PCDH9: variants seen among roughly 807,000 people sequenced by gnomAD.
PCDH9 encodes the protein protocadherin 9, also known as protocadherin-9.
In PCDH9, 24 loss-of-function variants were observed where a neutral mutation model predicts 70.6. The ratio of observed to expected loss-of-function variants is 0.34; its 90% CI spans 0.25 to 0.48. PCDH9 has a LOEUF of 0.48. Among genes scored for constraint, PCDH9 ranks in the 20% least tolerant of loss-of-function variants. PCDH9 has a pLI of 0.99. For missense variants in PCDH9, 1,281 were observed against 1,503.6 expected, an observed-to-expected ratio of 0.85 and a Z score of 2.45; for synonymous variants, 562 against 558.5, an observed-to-expected ratio of 1.01 and a Z score of -0.09.
At chr13:67,011,855 A>G (rs891700673) in intron 2 of PCDH9, among the ~76,000 whole-genome samples, 14 of 151,872 alleles carry the variant, frequency 9.2e-5, no homozygotes, top group Non-Finnish European at 4.4e-5. Flanking sequence ...GTCGCTACTA[A>G]TATCAGTAAA....
At chr13:66,579,942 A>G (rs918889771) in intron 4 of PCDH9, among the ~76,000 whole-genome samples, 7 of 152,092 alleles carry the variant, frequency 4.6e-5, no homozygotes, top group African/African-American at 1.7e-4. Flanking sequence ...AGCCCAGGTA[A>G]TATTTTCAGA....
chr13:66,920,774 G>A (rs1003277600), intron 2 of PCDH9, among the ~76,000 whole-genome samples: 56 of 151,266 alleles, frequency 3.7e-4, no homozygotes, highest in African/African-American at 1.3e-3. Flanking sequence ...CCTGTTTCCA[G>A]TGAGCTATAA....
At chr13:66,615,731 C>G (rs1017526439) in intron 4 of PCDH9, among the ~76,000 whole-genome samples, 10 of 152,170 alleles carry the variant, frequency 6.6e-5, no homozygotes, top group Admixed American at 2.0e-4. Context: ...ACTTTTTTGA[C>G]TTTTGGTTGG....
At chr13:67,071,549 T>A (rs1369798776) in intron 2 of PCDH9, among the ~76,000 whole-genome samples, 1 of 152,150 alleles carries the variant, frequency 6.6e-6, no homozygotes, top group Non-Finnish European at 1.5e-5. Context: ...AGAACACAAA[T>A]TTATTGAAAG....
intron 2 of PCDH9, among the ~76,000 whole-genome samples, chr13:67,002,574 TA>T (rs548398760): frequency 2.0e-5 from 3 of 150,888 alleles, no homozygotes; most frequent in Admixed American, 6.6e-5. Context: ...TTTAAGAAGA[TA>T]AAAAAAAACC....
chr13:66,962,776 T>A (rs186681069), intron 2 of PCDH9, among the ~76,000 whole-genome samples: 14 of 152,282 alleles, frequency 9.2e-5, no homozygotes, highest in African/African-American at 2.6e-4. Flanking sequence ...GGTCTCCAAC[T>A]TTTTTGGCAC....
chr13:67,006,135 G>A (rs1160307534), intron 2 of PCDH9, among the ~76,000 whole-genome samples: 1 of 152,174 alleles, frequency 6.6e-6, no homozygotes, highest in Non-Finnish European at 1.5e-5. Context: ...GCTGAGGCAG[G>A]AGAATGGCGT....
rs112932546 is a variant in PCDH9 at position 66,552,661 on chromosome 13, A to G, written c.3340+78549T>C. 3.8e-3 allele frequency among the ~76,000 whole-genome samples: 581 copies of G among 152,292 alleles called. 6 individuals carry two copies. Among genetic ancestry groups the G allele is most frequent in the African/African-American group, 0.013 (558 of 41,578 alleles). On this transcript the variant is annotated intron_variant, in intron 4 of 4. Transcript: ENST00000377865. ...ACATGGAAGTAAAAAGATAATGATT[A>G]AATACTTTGGGGGGAAATCACACAT... is the stretch of plus-strand genomic sequence containing the variant.
intron 3 of PCDH9, among the ~76,000 whole-genome samples, chr13:66,808,676 A>G (rs534269419): frequency 1.3e-5 from 2 of 152,178 alleles, no homozygotes; most frequent in Non-Finnish European, 2.9e-5. Context: ...TAGTAGGCTA[A>G]TTGATCACAG....
At chr13:67,033,295 A>G (rs1594418811) in intron 2 of PCDH9, among the ~76,000 whole-genome samples, 1 of 152,228 alleles carries the variant, frequency 6.6e-6, no homozygotes, top group African/African-American at 2.4e-5. Flanking sequence ...AATAAATGAT[A>G]GCTCCAGGCA....
At chr13:66,409,377 G>A (rs1957334313) in intron 4 of PCDH9, among the ~76,000 whole-genome samples, 1 of 151,928 alleles carries the variant, frequency 6.6e-6, no homozygotes, top group Non-Finnish European at 1.5e-5. Context: ...ATTTACTTTG[G>A]TTTGCACTAA....
intron 2 of PCDH9, among the ~76,000 whole-genome samples, chr13:67,013,805 A>C (rs1342114593): frequency 1.3e-5 from 2 of 152,058 alleles, no homozygotes; most frequent in Non-Finnish European, 2.9e-5. Flanking sequence ...CAGGTTTAAC[A>C]TAAGACTATT....
chr13:67,100,054 T>A (rs1475697451), intron 2 of PCDH9, among the ~76,000 whole-genome samples: 2 of 152,164 alleles, frequency 1.3e-5, no homozygotes, highest in Admixed American at 1.3e-4. Context: ...AGTAGACATG[T>A]CACTAAGTCT....
chr13:67,139,666 T>A (rs1207315211), intron 2 of PCDH9, among the ~76,000 whole-genome samples: 2 of 152,168 alleles, frequency 1.3e-5, no homozygotes, highest in Non-Finnish European at 2.9e-5. Context: ...CTTTTCAAAG[T>A]GCACGACTTG....
At chr13:66,377,856 C>G (rs1243951822) in intron 4 of PCDH9, among the ~76,000 whole-genome samples, 1 of 152,094 alleles carries the variant, frequency 6.6e-6, no homozygotes, top group East Asian at 1.9e-4. Context: ...ATTCTTTCAC[C>G]TTAATTTTTC....
At chr13:66,806,093 T>A (rs557397611) in intron 3 of PCDH9, among the ~76,000 whole-genome samples, 8 of 152,144 alleles carry the variant, frequency 5.3e-5, no homozygotes, top group Non-Finnish European at 1.0e-4. Flanking sequence ...CTTATGTATA[T>A]ATGTGTTTGT....
At chr13:66,819,074 G>T (rs1245299929) in intron 3 of PCDH9, among the ~76,000 whole-genome samples, 1 of 152,116 alleles carries the variant, frequency 6.6e-6, no homozygotes, top group Non-Finnish European at 1.5e-5. Flanking sequence ...CAAAGAAGGG[G>T]TTCATGAGGG....
intron 2 of PCDH9, among the ~76,000 whole-genome samples, chr13:67,010,270 C>A (rs554371639): frequency 6.6e-6 from 1 of 152,012 alleles, no homozygotes; most frequent in African/African-American, 2.4e-5. Context: ...TAGTATAGAA[C>A]ACGGATTCAA....
At chr13:66,362,833 G>A (rs1320859573) in intron 4 of PCDH9, among the ~76,000 whole-genome samples, 1 of 152,068 alleles carries the variant, frequency 6.6e-6, no homozygotes, top group Non-Finnish European at 1.5e-5. Context: ...ATTAGTATGA[G>A]CAACATCTTA....
Sources: allele counts gnomAD v4.1 joint callset (sites outside exome capture counted in the v4.1 genomes callset), GRCh38; gene constraint gnomAD v4.1.1; transcripts MANE v1.5; gene names NCBI Gene and HGNC (gene_info 2026-07-23, HGNC 2026-07-21).